The following RFC3 variants were observed in gnomAD, a reference collection of about 807,000 sequenced individuals.
RFC3 encodes the protein A1 38 kDa subunit.
A neutral mutation model predicts 45.1 loss-of-function variants in RFC3; 41 were observed. That is an observed-to-expected ratio of 0.91 (90% confidence interval 0.71 to 1.18). The LOEUF (loss-of-function observed/expected upper bound fraction) is 1.18, where lower values mean the gene tolerates loss of function less well. Among genes scored for constraint, RFC3 ranks in the 50% most tolerant of loss-of-function variants. The pLI is 0.00. For missense variants in RFC3, 423 were observed against 428.1 expected (o/e 0.99, Z 0.10); for synonymous variants, 149 against 144.0 (o/e 1.03, Z -0.25).
At chr13:33,951,473 C>T (rs773390890) in intron 8 of RFC3, among the ~76,000 whole-genome samples, 5 of 152,148 alleles carry the variant, frequency 3.3e-5, no homozygotes, top group African/African-American at 7.2e-5. Context: ...CCTCATGATC[C>T]GCTGGCCTTG....
chr13:33,974,459 A>C, the RFC3 span, among the ~76,000 whole-genome samples: 1 of 152,022 alleles, frequency 6.6e-6, no homozygotes, highest in Non-Finnish European at 1.5e-5. Flanking sequence ...TTCCTTCCCT[A>C]ACCTCTACCT....
intron 1 of RFC3, among the ~76,000 whole-genome samples, chr13:33,820,074 T>C (rs1464096789): frequency 6.6e-6 from 1 of 152,200 alleles, no homozygotes; most frequent in Non-Finnish European, 1.5e-5. Context: ...AATGGTTATT[T>C]ACAGAACTTC....
intron 8 of RFC3, among the ~76,000 whole-genome samples, chr13:33,919,295 AT>A (rs143197013): frequency 0.031 from 4,531 of 147,822 alleles, 188 homozygotes; most frequent in African/African-American, 0.096. Flanking sequence ...CAGCAAATCC[AT>A]TTTTTTTTTA....
At chr13:33,831,799 T>G (rs2082107480) in intron 7 of RFC3, among the ~76,000 whole-genome samples, 1 of 152,190 alleles carries the variant, frequency 6.6e-6, no homozygotes, top group South Asian at 2.1e-4. Context: ...TAAGTGTTCT[T>G]GATCAGGTAA....
chr13:33,944,944 A>G (rs1224082335), intron 8 of RFC3, among the ~76,000 whole-genome samples: 3 of 152,148 alleles, frequency 2.0e-5, no homozygotes, highest in Admixed American at 6.5e-5. Context: ...GATCAAAATC[A>G]TTGTCATAGA....
intron 8 of RFC3, among the ~76,000 whole-genome samples, chr13:33,905,541 A>G (rs1012104698): frequency 1.3e-5 from 2 of 152,078 alleles, no homozygotes; most frequent in Non-Finnish European, 2.9e-5. Context: ...CTATGAGTTT[A>G]TAACAATATC....
chr13:33,895,965 C>T (rs1166966232), intron 8 of RFC3, among the ~76,000 whole-genome samples: 1 of 151,964 alleles, frequency 6.6e-6, no homozygotes, highest in Non-Finnish European at 1.5e-5. Context: ...TATGGGTATG[C>T]AAAGGCATAC....
chr13:33,941,427 T>C (rs887387595), intron 8 of RFC3, among the ~76,000 whole-genome samples: 1 of 152,156 alleles, frequency 6.6e-6, no homozygotes, highest in Non-Finnish European at 1.5e-5. Flanking sequence ...CCTTTAGTAA[T>C]TATTTTAGGA....
At chr13:33,842,820 C>G (rs1436505100) in intron 8 of RFC3, among the ~76,000 whole-genome samples, 2 of 152,288 alleles carry the variant, frequency 1.3e-5, no homozygotes, top group East Asian at 3.9e-4. Flanking sequence ...AGTCTTGAAG[C>G]TAGGATTCTA....
intron 8 of RFC3, among the ~76,000 whole-genome samples, chr13:33,962,520 G>A (rs2083063448): frequency 6.6e-6 from 1 of 152,152 alleles, no homozygotes; most frequent in South Asian, 2.1e-4. Context: ...AATAGTCACA[G>A]CTTTTACAAT....
intron 8 of RFC3, among the ~76,000 whole-genome samples, chr13:33,926,561 C>A (rs2137755635): frequency 6.6e-6 from 1 of 152,122 alleles, no homozygotes; most frequent in East Asian, 1.9e-4. Flanking sequence ...TCACAGTAAA[C>A]AAATTCAGGG....
chr13:33,929,418 T>G (rs2082838029), intron 8 of RFC3, among the ~76,000 whole-genome samples: 1 of 152,120 alleles, frequency 6.6e-6, no homozygotes, highest in South Asian at 2.1e-4. Flanking sequence ...TTATAGAGAT[T>G]TAATTAACAC....
chr13:33,825,528 C>G (rs1310975853), intron 3 of RFC3, among the ~76,000 whole-genome samples: 6 of 151,980 alleles, frequency 3.9e-5, no homozygotes, highest in Non-Finnish European at 8.8e-5. Flanking sequence ...AAACTGTTAC[C>G]TAATTATTAG....
chr13:33,862,506 T>C (rs930338494), intron 8 of RFC3, among the ~76,000 whole-genome samples: 2 of 152,186 alleles, frequency 1.3e-5, no homozygotes, highest in Non-Finnish European at 2.9e-5. Flanking sequence ...TTTTCTACAT[T>C]AATAAGCTGC....
chr13:33,823,687 G>A (rs536902908), intron 2 of RFC3, among the ~76,000 whole-genome samples: 18 of 151,984 alleles, frequency 1.2e-4, no homozygotes, highest in Middle Eastern at 3.4e-3. Context: ...CTGGAGATAA[G>A]GAAAAGAAAA....
At chr13:33,942,894 C>G (rs2082933503) in intron 8 of RFC3, among the ~76,000 whole-genome samples, 1 of 152,122 alleles carries the variant, frequency 6.6e-6, no homozygotes, top group South Asian at 2.1e-4. Context: ...TTGGCCTGTT[C>G]CAATGACATG....
intron 8 of RFC3, among the ~76,000 whole-genome samples, chr13:33,922,504 A>G (rs1316039915): frequency 6.6e-6 from 1 of 152,150 alleles, no homozygotes; most frequent in East Asian, 1.9e-4. Flanking sequence ...GTATGTTACA[A>G]CTTTAGATAA....
At chr13:33,869,222 A>G (rs1440091815) in intron 8 of RFC3, among the ~76,000 whole-genome samples, 1 of 152,154 alleles carries the variant, frequency 6.6e-6, no homozygotes, top group Non-Finnish European at 1.5e-5. Context: ...TTAATGACAC[A>G]ATATCCTTTT....
At chr13:33,934,478 C>G (rs2137781383) in intron 8 of RFC3, among the ~76,000 whole-genome samples, 1 of 152,260 alleles carries the variant, frequency 6.6e-6, no homozygotes, top group East Asian at 1.9e-4. Flanking sequence ...TCTGAGATGA[C>G]TGTGTGTCTT....
Sources: allele counts gnomAD v4.1 joint callset (sites outside exome capture counted in the v4.1 genomes callset), GRCh38; gene constraint gnomAD v4.1.1; transcripts MANE v1.5; gene names NCBI Gene and HGNC (gene_info 2026-07-23, HGNC 2026-07-21).